HLCS: variants seen among roughly 807,000 people sequenced by gnomAD.
HLCS encodes holocarboxylase synthetase.
Under a neutral mutation model 75.0 loss-of-function variants are expected in HLCS, and 53 were observed. The ratio of observed to expected loss-of-function variants is 0.71; its 90% CI spans 0.57 to 0.89. The LOEUF is 0.89. Among genes scored for constraint, HLCS ranks in the 40% least tolerant of loss-of-function variants. The pLI, the probability that HLCS is intolerant of heterozygous loss-of-function variation, is 0.00. For missense variants in HLCS, 966 were observed against 1,074.0 expected (o/e 0.90, Z 1.41); for synonymous variants, 431 against 428.6 (o/e 1.01, Z -0.07).
intron 6 of HLCS, among the ~76,000 whole-genome samples, chr21:36,869,512 T>C (rs1271272786): frequency 6.6e-6 from 1 of 152,200 alleles, no homozygotes; most frequent in Non-Finnish European, 1.5e-5. Flanking sequence ...TCAAACCTCA[T>C]TTCTTTCCTA....
intron 1 of HLCS, among the ~76,000 whole-genome samples, chr21:36,989,217 C>A (rs1026535074): frequency 6.6e-6 from 1 of 150,688 alleles, no homozygotes; most frequent in African/African-American, 2.4e-5. Context: ...GCCATGTTGG[C>A]CAGGCTGGTC....
intron 6 of HLCS, among the ~76,000 whole-genome samples, chr21:36,845,538 A>G (rs2835486): frequency 1.3e-5 from 2 of 152,114 alleles, no homozygotes; most frequent in Admixed American, 1.3e-4. Context: ...CATGGTATGC[A>G]AGGCTCATTC....
chr21:36,958,450 T>A (rs886602044), intron 2 of HLCS, among the ~76,000 whole-genome samples: 12 of 152,172 alleles, frequency 7.9e-5, no homozygotes, highest in African/African-American at 2.9e-4. Flanking sequence ...CTAGAAAGGA[T>A]AGAAGCATTG....
intron 6 of HLCS, among the ~76,000 whole-genome samples, chr21:36,781,176 G>C (rs1247826192): frequency 1.3e-5 from 2 of 151,718 alleles, no homozygotes; most frequent in East Asian, 3.9e-4. Context: ...ATGATCTGAG[G>C]TGGAGCTGAG....
chr21:36,845,643 G>C (rs1385359796), intron 6 of HLCS, among the ~76,000 whole-genome samples: 1 of 152,182 alleles, frequency 6.6e-6, no homozygotes, highest in African/African-American at 2.4e-5. Flanking sequence ...TTGGCCCCCA[G>C]TGGTGGAGCG....
intron 7 of HLCS, among the ~76,000 whole-genome samples, chr21:36,765,822 T>C (rs1231782853): frequency 6.6e-6 from 1 of 152,146 alleles, no homozygotes; most frequent in African/African-American, 2.4e-5. Flanking sequence ...AAGTTTTGTA[T>C]TTTTAGTAGA....
intron 5 of HLCS, among the ~76,000 whole-genome samples, chr21:36,911,458 C>T (rs971412025): frequency 2.0e-5 from 3 of 152,202 alleles, no homozygotes; most frequent in Non-Finnish European, 4.4e-5. Flanking sequence ...AAAAGTTAAA[C>T]AAGAGGCCAG....
At chr21:36,988,550 C>T (rs1052728486) in intron 1 of HLCS, among the ~76,000 whole-genome samples, 11 of 152,140 alleles carry the variant, frequency 7.2e-5, no homozygotes, top group Non-Finnish European at 1.3e-4. Flanking sequence ...CTGGTGTAGG[C>T]GTTTCTCCAG....
In HLCS at chr21:36,888,469, TA is replaced by T. The variant is rs1569149742; in HGVS notation, c.1892+8390del. On this transcript the variant is annotated intron_variant, in intron 6 of 10. Transcript: ENST00000674895. ...AAATATATATATATATATATATATA[TA>T]TATATATATATATATATATATATAT... is the stretch of plus-strand genomic sequence containing the variant. Among the ~76,000 whole-genome samples, 51 of 101,160 alleles carry T rather than the reference TA, an allele frequency of 5.0e-4. 1 individual carries two copies. In the Middle Eastern group the frequency reaches 0.02, roughly 40 times the overall value. 66.4% of individuals were successfully genotyped at this position (101,160 alleles called of 152,430 possible).
intron 5 of HLCS, among the ~76,000 whole-genome samples, chr21:36,912,291 T>C (rs1010864349): frequency 5.3e-5 from 8 of 151,430 alleles, no homozygotes; most frequent in Admixed American, 4.6e-4. Context: ...GGGGATATTA[T>C]TCAGCCAAAA....
intron 1 of HLCS, chr21:36,980,838 C>G (rs2069101740): frequency 6.5e-6 from 1 of 152,708 alleles, no homozygotes; most frequent in African/African-American, 2.4e-5. Flanking sequence ...ATCCTGCCCG[C>G]GCCCCAGCCC....
At chr21:36,885,690 A>T (rs1283476684) in intron 6 of HLCS, among the ~76,000 whole-genome samples, 1 of 152,148 alleles carries the variant, frequency 6.6e-6, no homozygotes, top group Non-Finnish European at 1.5e-5. Flanking sequence ...GAGTCTGCTG[A>T]CATATTATCT....
intron 8 of HLCS, among the ~76,000 whole-genome samples, chr21:36,760,819 G>C (rs910027458): frequency 2.6e-5 from 4 of 152,130 alleles, no homozygotes; most frequent in African/African-American, 9.7e-5. Flanking sequence ...ACAGTGTCTC[G>C]AACAAGGCCA....
At chr21:36,826,284 G>T (rs1462980837) in intron 6 of HLCS, among the ~76,000 whole-genome samples, 3 of 152,174 alleles carry the variant, frequency 2.0e-5, no homozygotes, top group Admixed American at 6.5e-5. Flanking sequence ...TCTAGGAGTT[G>T]TTCCTGGAGT....
rs766163167 is a variant in HLCS at position 36,756,731 on chromosome 21, C to CT, written c.2260dup (p.Ser754LysfsTer2). ...GTCGTTGATGCAGATGGTAGGGTTA[C>CT]TGTTAGTCACATTAAATCCACAGCC... On this transcript the variant is annotated frameshift_variant, in exon 10 of 11. Transcript: ENST00000674895. LOFTEE classifies it high-confidence loss of function. 6 of 1,614,054 alleles carry CT rather than the reference C, an allele frequency of 3.7e-6. No homozygotes were observed. The African/African-American group carries it at 8.0e-5, about 22-fold the overall frequency.
intron 6 of HLCS, among the ~76,000 whole-genome samples, chr21:36,804,977 T>C (rs1250497684): frequency 1.3e-5 from 2 of 152,130 alleles, no homozygotes; most frequent in African/African-American, 4.8e-5. Flanking sequence ...AACAGCTCCA[T>C]GAGGTGGCAG....
chr21:36,977,075 C>A (rs2068957462), intron 1 of HLCS, among the ~76,000 whole-genome samples: 1 of 152,072 alleles, frequency 6.6e-6, no homozygotes, highest in South Asian at 2.1e-4. Flanking sequence ...ACCTCAAAAA[C>A]TGAGGTTCAT....
At chr21:36,846,865 G>A (rs961622110) in intron 6 of HLCS, among the ~76,000 whole-genome samples, 6 of 152,080 alleles carry the variant, frequency 3.9e-5, no homozygotes, top group African/African-American at 9.7e-5. Flanking sequence ...AACAAACCCC[G>A]TCTTGGCTCG....
chr21:36,946,125 C>A (rs1373693306), intron 2 of HLCS: 1 of 984,988 alleles, frequency 1.0e-6, no homozygotes, highest in Non-Finnish European at 1.2e-6. Context: ...CATGAGAAAC[C>A]ACATCATCCC....
Sources: gnomAD v4.1 joint callset for allele counts (sites outside exome capture counted in the v4.1 genomes callset) on GRCh38, gnomAD v4.1.1 for gene constraint, MANE v1.5 for transcripts, NCBI Gene and HGNC (gene_info 2026-07-23, HGNC 2026-07-21) for gene names.